MYO7B: variants seen among roughly 807,000 people sequenced by gnomAD.
The protein encoded by MYO7B is myosin VIIB.
A neutral mutation model predicts 259.7 loss-of-function variants in MYO7B; 212 were observed. The ratio of observed to expected loss-of-function variants is 0.82; its 90% CI spans 0.73 to 0.91. MYO7B has a LOEUF of 0.91. MYO7B is among the 40% of genes least tolerant of loss of function. The probability of loss-of-function intolerance (pLI) is 0.00; values close to 1 mark genes in which losing one functional copy is unlikely to be tolerated. For synonymous variants in MYO7B, 1,197 were observed against 1,166.4 expected, an observed-to-expected ratio of 1.03 and a Z score of -0.54; for missense variants, 2,732 against 2,813.5, an observed-to-expected ratio of 0.97 and a Z score of 0.66.
At position 127,636,312 on chromosome 2, in the gene MYO7B, C is replaced by T; in HGVS notation, c.6111C>T (p.Phe2037=). ...ICRWPTFGSA[F]FEVKQTSEPS... Reference sequence around the variant, plus strand: ...GGTGGCCCACCTTCGGATCCGCCTTCTTCGAGGTGAAGGTAAACCTTGCCC... The same window carrying T: ...GGTGGCCCACCTTCGGATCCGCCTTTTTCGAGGTGAAGGTAAACCTTGCCC... Residue 2037 remains phenylalanine, a synonymous_variant, in exon 45 of 48, where the codon TTC becomes TTT. Transcript: ENST00000409816. The surrounding 1 kb of genome is among the most constrained non-coding windows in gnomAD (Gnocchi z 4.5). 6.2e-7 allele frequency: 1 copy of T among 1,613,286 alleles called. No homozygotes were observed. The highest frequency in any genetic ancestry group is 8.5e-7 in the Non-Finnish European group (1 of 1,179,702).
intron 41 of MYO7B, 106 bp from the exon 42 acceptor site, chr2:127,634,490 G>A (rs1401254060): frequency 9.3e-7 from 1 of 1,073,062 alleles, no homozygotes; most frequent in African/African-American, 1.6e-5. Context: ...GCCGACTCCA[G>A]CGCAGCACCC....
chr2:127,588,272 G>C (rs1197943686), intron 14 of MYO7B, 120 bp from the exon 15 acceptor site: 4 of 1,153,076 alleles, frequency 3.5e-6, no homozygotes, highest in Non-Finnish European at 4.9e-6. Context: ...GCCGTAGTGG[G>C]GCCATTGTAG....
At position 127,560,053 on chromosome 2, in the gene MYO7B, G is replaced by T. The variant is rs543648966; in HGVS notation, c.18+313G>T. On this transcript the variant is annotated intron_variant, in intron 2 of 47. Coordinates refer to ENST00000409816, the MANE Select transcript of MYO7B (RefSeq NM_001393586.1). ...TTCTTTTTTTTTTTTTTCAGACAGG[G>T]TCTCACTCTGTCACCCAGGCTGGAG... Among the ~76,000 whole-genome samples the T allele has an allele frequency of 4.2e-4, 61 of 146,140 alleles. No homozygotes were observed. The East Asian group carries it at 8.0e-3, about 19-fold the overall frequency.
chr2:127,615,470 G>A lies in MYO7B; in HGVS notation c.3398+2867G>A, dbSNP rs1406283. 6.6e-6 allele frequency among the ~76,000 whole-genome samples: 1 copy of A among 152,114 alleles called. No individual in the cohort carries two copies. The highest frequency in any genetic ancestry group is 2.4e-5 in the African/African-American group (1 of 41,430). On this transcript the variant is annotated intron_variant, in intron 26 of 47. Coordinates refer to ENST00000409816, the MANE Select transcript of MYO7B (RefSeq NM_001393586.1). The surrounding 1 kb of genome is among the most constrained non-coding windows in gnomAD (Gnocchi z 4.4). The stretch of plus-strand genomic sequence containing the variant: ...AGTGAGCAAAGACAGCCCCCGCCCT[G>A]AGCTTCTTCAGCCCTTAGTATTTAT...
chr2:127,558,147 A>T (rs984457788), intron 1 of MYO7B, among the ~76,000 whole-genome samples: 7 of 152,222 alleles, frequency 4.6e-5, no homozygotes, highest in Admixed American at 1.3e-4. Context: ...ACAAATTAGT[A>T]AGAAAAAAAA....
rs1024129431 is a variant in MYO7B, at chr2:127,535,777, C to G, written c.-78C>G. The G allele has an allele frequency of 6.6e-6, 1 of 152,268 alleles. No individual in the cohort carries two copies. Among genetic ancestry groups the G allele is most frequent in the Middle Eastern group, 3.2e-3 (1 of 316 alleles). 9.4% of individuals were successfully genotyped at this position (152,268 alleles called of 1,614,324 possible). The stretch of plus-strand genomic sequence containing the variant: ...ACATTGCCTCCTTTCCTGGCTCTTT[C>G]AGGGTGCCCAGGGTGGAGGGGAAGG... On this transcript the variant is annotated 5_prime_UTR_variant, in exon 1 of 48. Transcript: ENST00000409816. This position sits in a 1 kb window ranked among gnomAD's most constrained non-coding sequence, Gnocchi z 4.8.
rs1340263595 is a variant in MYO7B, at chr2:127,608,759, G to C, written c.2695G>C (p.Ala899Pro). The C allele has an allele frequency of 1.2e-6, 2 of 1,613,354 alleles. No individual in the cohort carries two copies. Among genetic ancestry groups the C allele is most frequent in the Non-Finnish European group, 1.7e-6 (2 of 1,179,778 alleles). ...EGQKSQGALP[A>P]KKRRSIYDTV... ...GCAGAAAAGCCAAGGCGCTCTCCCTGCCAAGAAGCGCAGATCCATCTACGA... is the reference window on the plus strand; with the variant it reads ...GCAGAAAAGCCAAGGCGCTCTCCCTCCCAAGAAGCGCAGATCCATCTACGA... The change falls in exon 22 of 48, where the codon GCC (alanine) becomes CCC (proline). Residue 899 changes from alanine to proline, a missense_variant. Physicochemically the swap from Ala to Pro is conservative, Grantham distance 27. Coordinates refer to ENST00000409816, the MANE Select transcript of MYO7B (RefSeq NM_001393586.1).
intron 40 of MYO7B, 105 bp downstream of exon 40, chr2:127,633,468 T>C: frequency 8.9e-7 from 1 of 1,117,856 alleles, no homozygotes; most frequent in African/African-American, 1.5e-5. Flanking sequence ...AGAGAGCCTT[T>C]TCTAGGGCTG....
At chr2:127,543,827 C>T (rs1291201422) in intron 1 of MYO7B, among the ~76,000 whole-genome samples, 1 of 151,928 alleles carries the variant, frequency 6.6e-6, no homozygotes, top group African/African-American at 2.4e-5. Flanking sequence ...TCACCGCAAG[C>T]TCCCCCTGCC....
rs1680391894 is a variant in MYO7B at position 127,611,633 on chromosome 2, G to A, written c.3193-617G>A. Among the ~76,000 whole-genome samples the A allele has an allele frequency of 1.3e-5, 2 of 152,134 alleles. No individual in the cohort carries two copies. Among genetic ancestry groups the A allele is most frequent in the South Asian group, 4.2e-4 (2 of 4,816 alleles). ...GGAGCTGGTGCCTGGCCCTGGACCA[G>A]GCTGACCCCCACCCAAGCTCAGTCC... On this transcript the variant is annotated intron_variant, in intron 24 of 47. Coordinates refer to ENST00000409816, the MANE Select transcript of MYO7B (RefSeq NM_001393586.1). This position sits in a 1 kb window ranked among gnomAD's most constrained non-coding sequence, Gnocchi z 5.4.
At chr2:127,572,583 T>C (rs1015609610) in intron 6 of MYO7B, among the ~76,000 whole-genome samples, 1 of 151,100 alleles carries the variant, frequency 6.6e-6, no homozygotes, top group African/African-American at 2.4e-5. Context: ...TTTTTCTCCT[T>C]CCTTCCTTTC....
intron 16 of MYO7B, among the ~76,000 whole-genome samples, chr2:127,591,634 C>T (rs1679563889): frequency 6.6e-6 from 1 of 152,212 alleles, no homozygotes; most frequent in Non-Finnish European, 1.5e-5. Flanking sequence ...GTGGCCTGGA[C>T]CCCACCAGCA....
chr2:127,574,614 T>A (rs1394182950), intron 7 of MYO7B, among the ~76,000 whole-genome samples: 1 of 152,224 alleles, frequency 6.6e-6, no homozygotes. Flanking sequence ...CCATTCCTCA[T>A]CCCTACTAGA....
At chr2:127,620,500 G>T in intron 27 of MYO7B, 34 bp downstream of exon 27, 1 of 1,500,632 alleles carries the variant, frequency 6.7e-7, no homozygotes, top group South Asian at 1.3e-5. Flanking sequence ...GCGGGCAGGG[G>T]GCAGGTTCTG....
intron 27 of MYO7B, 65 bp downstream of exon 27, chr2:127,620,531 T>C: frequency 7.1e-7 from 1 of 1,413,052 alleles, no homozygotes; most frequent in Non-Finnish European, 9.4e-7. Flanking sequence ...AGGTGGCCCC[T>C]GGCCCTGGAG....
In MYO7B at chr2:127,605,829, G is replaced by A; in HGVS notation, c.2340-15G>A. 3 of 1,612,136 alleles carry A rather than the reference G, an allele frequency of 1.9e-6. No individual in the cohort carries two copies. Among genetic ancestry groups the A allele is most frequent in the Non-Finnish European group, 2.5e-6 (3 of 1,179,022 alleles). ...TGGGATTGTTACATGTGTGTGGCTTGCATTGCCCTTCTAGGAAGGAGTTCC... is the reference window on the plus strand; with the variant it reads ...TGGGATTGTTACATGTGTGTGGCTTACATTGCCCTTCTAGGAAGGAGTTCC... On this transcript the variant is annotated splice_polypyrimidine_tract_variant and intron_variant, in intron 19 of 47. Transcript: ENST00000409816.
Position 127,601,409 on chromosome 2 carries a change from G to A in MYO7B, c.2340-4435G>A, listed in dbSNP as rs186529560. On this transcript the variant is annotated intron_variant, in intron 19 of 47. Transcript: ENST00000409816. ...CTATGTGTTTTATCAATTGTTGAGA[G>A]AGTCTCTAATTATAATTGTGGATTT... 1.6e-3 allele frequency among the ~76,000 whole-genome samples: 240 copies of A among 152,306 alleles called. 1 individual carries two copies. Among genetic ancestry groups the A allele is most frequent in the Non-Finnish European group, 1.2e-3 (84 of 68,020 alleles).
At chr2:127,622,527 GT>G (rs1198320534) in intron 28 of MYO7B, among the ~76,000 whole-genome samples, 2 of 152,182 alleles carry the variant, frequency 1.3e-5, no homozygotes, top group African/African-American at 4.8e-5. Flanking sequence ...AATTCTCGCT[GT>G]TTTCTCAGGA....
At chr2:127,543,713 C>A (rs1021741097) in intron 1 of MYO7B, among the ~76,000 whole-genome samples, 1 of 150,254 alleles carries the variant, frequency 6.7e-6, no homozygotes, top group African/African-American at 2.5e-5. Flanking sequence ...ATATATATAT[C>A]CTCTCTCTCT....
Sources: gnomAD v4.1 joint callset for allele counts (sites outside exome capture counted in the v4.1 genomes callset) on GRCh38, gnomAD v4.1.1 for gene constraint, Gnocchi (gnomAD v3.1) non-coding constraint, MANE v1.5 for transcripts, NCBI Gene and HGNC (gene_info 2026-07-23, HGNC 2026-07-21) for gene names.